Variants in NSD3 observed in about 807,000 individuals in gnomAD.
The protein encoded by NSD3 is nuclear receptor binding SET domain protein 3.
Under a neutral mutation model 160.8 loss-of-function variants are expected in NSD3, and 24 were observed. The ratio of observed to expected loss-of-function variants is 0.15; its 90% CI spans 0.11 to 0.21. NSD3 has a LOEUF of 0.21. Among genes scored for constraint, NSD3 ranks in the 10% least tolerant of loss-of-function variants. The pLI is 1.00. For missense variants in NSD3, 1,157 were observed against 1,735.9 expected, an observed-to-expected ratio of 0.67 and a Z score of 5.93; for synonymous variants, 520 against 600.0, an observed-to-expected ratio of 0.87 and a Z score of 1.95.
intron 3 of NSD3, 37 bp downstream of exon 3, chr8:38,338,499 C>T: frequency 6.6e-7 from 1 of 1,525,506 alleles, no homozygotes; most frequent in Non-Finnish European, 9.1e-7. Flanking sequence ...CTTCTTCCAC[C>T]ATATTTGGTT....
chr8:38,310,457 A>G (rs915621547), intron 12 of NSD3, among the ~76,000 whole-genome samples: 1 of 152,044 alleles, frequency 6.6e-6, no homozygotes, highest in African/African-American at 2.4e-5. Flanking sequence ...CCTTTTGACT[A>G]CTGTGAATAA....
chr8:38,365,496 G>A (rs1811084785), intron 1 of NSD3, among the ~76,000 whole-genome samples: 2 of 152,080 alleles, frequency 1.3e-5, no homozygotes, highest in African/African-American at 2.4e-5. Context: ...CTTTGAAGAC[G>A]GAGTCTCGCT....
chr8:38,327,927 C>T (rs1447916431), intron 6 of NSD3, among the ~76,000 whole-genome samples: 2 of 152,114 alleles, frequency 1.3e-5, no homozygotes, highest in Non-Finnish European at 2.9e-5. Flanking sequence ...TTTGGCCAGG[C>T]ACCGTGGCTC....
chr8:38,352,060 G>A (rs1428718266), intron 1 of NSD3, among the ~76,000 whole-genome samples: 4 of 149,854 alleles, frequency 2.7e-5, no homozygotes, highest in African/African-American at 7.4e-5. Flanking sequence ...ATTCCAGTTC[G>A]ACTCTGTTAA....
chr8:38,331,715 G>T, intron 4 of NSD3, 130 bp from the exon 5 acceptor site: 1 of 925,706 alleles, frequency 1.1e-6, no homozygotes, highest in Non-Finnish European at 1.6e-6. Flanking sequence ...ATTGTCCAAA[G>T]ATATGTTCCA....
intron 12 of NSD3, among the ~76,000 whole-genome samples, chr8:38,309,566 T>A (rs1225456479): frequency 2.0e-5 from 3 of 152,020 alleles, no homozygotes; most frequent in Non-Finnish European, 4.4e-5. Flanking sequence ...GGTGGGAGGA[T>A]CACCTGAGCC....
At chr8:38,310,074 T>C (rs1167614330) in intron 12 of NSD3, among the ~76,000 whole-genome samples, 1 of 152,198 alleles carries the variant, frequency 6.6e-6, no homozygotes, top group Non-Finnish European at 1.5e-5. Flanking sequence ...TTTAACACTT[T>C]AACCATTTTT....
At chr8:38,341,963 A>G (rs1200321355) in intron 2 of NSD3, among the ~76,000 whole-genome samples, 1 of 152,160 alleles carries the variant, frequency 6.6e-6, no homozygotes, top group Non-Finnish European at 1.5e-5. Flanking sequence ...CAAAAAAAAA[A>G]GGACTTCCTT....
chr8:38,315,505 C>A lies in NSD3; in HGVS notation c.2026G>T (p.Ala676Ser). ...GKQVDSPSATADADVSDVQSM... is the reference protein window; with the variant it reads ...GKQVDSPSATSDADVSDVQSM... ...TGCACATCAGAAACGTCTGCATCTG[C>A]AGTAGCTGAAGGGCTATCTACTTGC... Residue 676 changes from alanine (A) to serine (S), a missense_variant, in exon 11 of 24, where the codon GCA becomes TCA. Coordinates refer to ENST00000317025, the MANE Select transcript of NSD3 (RefSeq NM_023034.2). 1 of 1,613,528 alleles carries A rather than the reference C, an allele frequency of 6.2e-7. No individual in the cohort carries two copies. The highest frequency in any genetic ancestry group is 8.5e-7 in the Non-Finnish European group (1 of 1,179,794).
chr8:38,356,310 CTTA>C (rs1378609736), intron 1 of NSD3, among the ~76,000 whole-genome samples: 1 of 152,096 alleles, frequency 6.6e-6, no homozygotes, highest in African/African-American at 2.4e-5. Flanking sequence ...CTTTAGTGCT[CTTA>C]TTATTTACCA....
chr8:38,275,824 G>A lies in NSD3; in HGVS notation c.4131C>T (p.Phe1377=), dbSNP rs747533936. The A allele has an allele frequency of 4.3e-6, 7 of 1,614,172 alleles. No individual in the cohort carries two copies. The South Asian group carries it at 7.7e-5, about 18-fold the overall frequency. The change falls in exon 24 of 24, where the codon TTC becomes TTT. Residue 1377 remains phenylalanine (F), a synonymous_variant. Coordinates refer to ENST00000317025, the MANE Select transcript of NSD3 (RefSeq NM_023034.2). ...CDECSSAAVS[F]CEFCPHSFCK... is the part of the protein sequence containing the mutation. ...AAAATGAATGTGGACAGAATTCACA[G>A]AAGGAAACAGCTGCACTGCTGCACT...
rs1173961279 is a variant in NSD3 at position 38,316,102 on chromosome 8, T to G, written c.1856-60A>C. ...GTACTTAAGGTTTGTTTTAATTTTTTTGTGTGTGGGAGAATATTTTCTTTT... is the reference window on the plus strand; with the variant it reads ...GTACTTAAGGTTTGTTTTAATTTTTGTGTGTGTGGGAGAATATTTTCTTTT... On this transcript the variant is annotated intron_variant, in intron 9 of 23. Transcript: ENST00000317025. This position sits in a 1 kb window ranked among gnomAD's most constrained non-coding sequence, Gnocchi z 4.5. 3.8e-6 allele frequency: 6 copies of G among 1,590,866 alleles called. No homozygotes were observed. The highest frequency in any genetic ancestry group is 2.7e-5 in the African/African-American group (2 of 74,014).
chr8:38,289,154 AT>A (rs961089473), intron 18 of NSD3, among the ~76,000 whole-genome samples: 1 of 152,238 alleles, frequency 6.6e-6, no homozygotes, highest in African/African-American at 2.4e-5. Flanking sequence ...GAGAGGACTT[AT>A]CAAAGACCTA....
chr8:38,357,811 T>C (rs1024997908), intron 1 of NSD3, among the ~76,000 whole-genome samples: 1 of 152,226 alleles, frequency 6.6e-6, no homozygotes, highest in Non-Finnish European at 1.5e-5. Flanking sequence ...AGTTATTTTA[T>C]ATAAATGAAA....
chr8:38,380,137 A>G (rs994073379), intron 1 of NSD3, among the ~76,000 whole-genome samples: 2 of 152,238 alleles, frequency 1.3e-5, no homozygotes, highest in African/African-American at 4.8e-5. Flanking sequence ...TGGAGATTGT[A>G]TTGAGCCAGC....
At position 38,321,244 on chromosome 8, in the gene NSD3, G is replaced by T; in HGVS notation, c.1709-72C>A. 1 of 1,242,904 alleles carries T rather than the reference G, an allele frequency of 8.0e-7. No homozygotes were observed. The highest frequency in any genetic ancestry group is 1.5e-5 in the African/African-American group (1 of 65,728). 77.0% of individuals were successfully genotyped at this position (1,242,904 alleles called of 1,614,324 possible). A position where few individuals can be genotyped will look rare whatever the true frequency, so the allele number is the denominator to read the frequency against. ...CTTGACATCTATGTAATTAAGATAT[G>T]ACCACATTCCTTGCTTTTCTTACCC... is the stretch of plus-strand genomic sequence containing the variant. On this transcript the variant is annotated intron_variant, in intron 7 of 23. Coordinates refer to ENST00000317025, the MANE Select transcript of NSD3 (RefSeq NM_023034.2). This position sits in a 1 kb window ranked among gnomAD's most constrained non-coding sequence, Gnocchi z 4.7.
At chr8:38,295,143 C>CAAA (rs746596031) in intron 16 of NSD3, among the ~76,000 whole-genome samples, 6 of 35,204 alleles carry the variant, frequency 1.7e-4, no homozygotes, top group Non-Finnish European at 2.2e-4. Context: ...CACTCCGTCT[C>CAAA]AAAAAAAAAA....
In NSD3 at chr8:38,309,376, A is replaced by G. The variant is rs1184669738; in HGVS notation, c.2243-3931T>C. Reference sequence around the variant, plus strand: ...CCAGCTACACGGGAGGCTGAGGCACAAGAATCACTTGAATCTGGGAGGTGG... The same window carrying G: ...CCAGCTACACGGGAGGCTGAGGCACGAGAATCACTTGAATCTGGGAGGTGG... On this transcript the variant is annotated intron_variant, in intron 12 of 23. Transcript: ENST00000317025. Among the ~76,000 whole-genome samples, 7 of 152,174 alleles carry G rather than the reference A, an allele frequency of 4.6e-5. No individual in the cohort carries two copies. The East Asian group carries it at 1.2e-3, about 25-fold the overall frequency.
In NSD3 at chr8:38,329,939, T is replaced by A. The variant is rs1454254989; in HGVS notation, c.1066-46A>T. On this transcript the variant is annotated intron_variant, in intron 5 of 23. Coordinates refer to ENST00000317025, the MANE Select transcript of NSD3 (RefSeq NM_023034.2). This position sits in a 1 kb window ranked among gnomAD's most constrained non-coding sequence, Gnocchi z 4.8. ...ATCAGACATGCTTTACTCTAATAGGTACATTAAAATTGATATGTATTTCCC... is the reference window on the plus strand; with the variant it reads ...ATCAGACATGCTTTACTCTAATAGGAACATTAAAATTGATATGTATTTCCC... 4 of 1,507,522 alleles carry A rather than the reference T, an allele frequency of 2.7e-6. No homozygotes were observed. Among genetic ancestry groups the A allele is most frequent in the Non-Finnish European group, 3.5e-6 (4 of 1,136,598 alleles). The allele number at this position is 1,507,522 out of a possible 1,614,324, so 93.4% of individuals were successfully genotyped here. A position where few individuals can be genotyped will look rare whatever the true frequency, so the allele number is the denominator to read the frequency against.
Sources: gnomAD v4.1 joint callset for allele counts (sites outside exome capture counted in the v4.1 genomes callset) on GRCh38, gnomAD v4.1.1 for gene constraint, Gnocchi (gnomAD v3.1) non-coding constraint, MANE v1.5 for transcripts, NCBI Gene and HGNC (gene_info 2026-07-23, HGNC 2026-07-21) for gene names.